Variants in KALRN observed in about 807,000 individuals in gnomAD.
KALRN encodes kalirin.
In KALRN, 70 loss-of-function variants were observed where a neutral mutation model predicts 353.7. The ratio of observed to expected loss-of-function variants is 0.20; its 90% CI spans 0.16 to 0.24. The LOEUF (loss-of-function observed/expected upper bound fraction) is 0.24. Ranked by LOEUF, KALRN falls within the 10% of genes least tolerant of loss-of-function variation. The pLI is 1.00. For synonymous variants in KALRN, 1,391 were observed against 1,434.8 expected, an observed-to-expected ratio of 0.97 and a Z score of 0.69; for missense variants, 2,791 against 3,756.7, an observed-to-expected ratio of 0.74 and a Z score of 6.72.
chr3:124,284,826 C>T (rs1055792478), intron 5 of KALRN, among the ~76,000 whole-genome samples: 1 of 152,178 alleles, frequency 6.6e-6, no homozygotes, highest in Non-Finnish European at 1.5e-5. Flanking sequence ...TTTAAGTAGT[C>T]ATTCAGAGAC....
chr3:124,458,044 G>A (rs1346532079), intron 23 of KALRN, among the ~76,000 whole-genome samples: 2 of 152,152 alleles, frequency 1.3e-5, no homozygotes, highest in East Asian at 1.9e-4. Flanking sequence ...GGGAGGCCGA[G>A]GCGGTTGGAT....
intron 1 of KALRN, among the ~76,000 whole-genome samples, chr3:124,055,659 C>CA (rs1246264825): frequency 6.6e-6 from 1 of 152,196 alleles, no homozygotes; most frequent in Non-Finnish European, 1.5e-5. Context: ...TCCTCTCTGA[C>CA]AGACTCATGC....
intron 36 of KALRN, among the ~76,000 whole-genome samples, chr3:124,634,411 G>A (rs1260418964): frequency 6.6e-6 from 1 of 152,208 alleles, no homozygotes; most frequent in Non-Finnish European, 1.5e-5. Context: ...ACGGTATGAG[G>A]AATGAAGATG....
chr3:124,332,216 C>T (rs937282035), intron 8 of KALRN, among the ~76,000 whole-genome samples: 15 of 152,048 alleles, frequency 9.9e-5, no homozygotes, highest in African/African-American at 3.6e-4. Context: ...AACCACCCTG[C>T]CCTGAAAGCA....
intron 5 of KALRN, among the ~76,000 whole-genome samples, chr3:124,281,601 C>T (rs548335953): frequency 3.9e-4 from 59 of 152,336 alleles, no homozygotes; most frequent in African/African-American, 1.4e-3. Flanking sequence ...AGCTGAAGGT[C>T]CAGCTCAGAT....
chr3:124,272,537 A>C (rs778575616), intron 5 of KALRN, among the ~76,000 whole-genome samples: 2 of 152,156 alleles, frequency 1.3e-5, no homozygotes, highest in Non-Finnish European at 2.9e-5. Flanking sequence ...ATACCTTAAA[A>C]AGGAGTGTGG....
intron 1 of KALRN, among the ~76,000 whole-genome samples, chr3:124,110,877 G>A (rs1267242233): frequency 9.9e-5 from 15 of 152,184 alleles, no homozygotes. Flanking sequence ...AGAGGCCCTG[G>A]ATGTTGCTTT....
intron 5 of KALRN, among the ~76,000 whole-genome samples, chr3:124,286,434 G>T (rs746915317): frequency 1.1e-4 from 16 of 151,970 alleles, no homozygotes; most frequent in Non-Finnish European, 1.6e-4. Flanking sequence ...TGTCTTTTTA[G>T]TAGAGACAGG....
At chr3:124,271,492 A>G (rs1438561015) in intron 5 of KALRN, among the ~76,000 whole-genome samples, 2 of 152,214 alleles carry the variant, frequency 1.3e-5, no homozygotes, top group African/African-American at 2.4e-5. Context: ...TATGCTCTCA[A>G]TCCATGTTCA....
intron 11 of KALRN, among the ~76,000 whole-genome samples, chr3:124,394,300 C>T (rs2089880104): frequency 6.6e-6 from 1 of 152,192 alleles, no homozygotes; most frequent in Non-Finnish European, 1.5e-5. Flanking sequence ...AAGCAAACAC[C>T]AGACTCATCT....
At chr3:124,612,311 C>A (rs1420087570) in intron 34 of KALRN, among the ~76,000 whole-genome samples, 2 of 152,236 alleles carry the variant, frequency 1.3e-5, no homozygotes, top group East Asian at 3.8e-4. Flanking sequence ...TCAAGCAATT[C>A]TCCTGCCTCA....
chr3:124,331,094 A>G (rs2080497987), intron 8 of KALRN, among the ~76,000 whole-genome samples: 1 of 152,176 alleles, frequency 6.6e-6, no homozygotes, highest in South Asian at 2.1e-4. Flanking sequence ...AACCACTTTG[A>G]GCCTGGTTTC....
intron 3 of KALRN, among the ~76,000 whole-genome samples, chr3:124,250,341 G>C (rs1004633494): frequency 6.6e-5 from 10 of 152,228 alleles, no homozygotes; most frequent in Admixed American, 3.3e-4. Flanking sequence ...GCAGGGAGAG[G>C]TGGGGGTGTG....
chr3:124,368,390 C>T (rs1479946092), intron 10 of KALRN, among the ~76,000 whole-genome samples: 1,777 of 141,346 alleles, frequency 0.013, 24 homozygotes, highest in African/African-American at 0.036. Flanking sequence ...GACGGGGTCG[C>T]GGCCGGGCAG....
At chr3:124,440,084 A>T (rs1015404443) in intron 18 of KALRN, among the ~76,000 whole-genome samples, 1 of 151,440 alleles carries the variant, frequency 6.6e-6, no homozygotes, top group South Asian at 2.1e-4. Flanking sequence ...CCCTCCTCCT[A>T]TCTATCTGGT....
chr3:124,052,139 G>A (rs1246485465), intron 1 of KALRN, among the ~76,000 whole-genome samples: 1 of 152,176 alleles, frequency 6.6e-6, no homozygotes, highest in Non-Finnish European at 1.5e-5. Context: ...CATCTCTACA[G>A]CTCAAGACTG....
intron 1 of KALRN, among the ~76,000 whole-genome samples, chr3:124,134,138 A>T (rs2065640732): frequency 6.6e-6 from 1 of 152,220 alleles, no homozygotes; most frequent in African/African-American, 2.4e-5. Context: ...CTATACTATA[A>T]GGCTATAGTC....
intron 1 of KALRN, among the ~76,000 whole-genome samples, chr3:124,089,412 G>A (rs760995714): frequency 3.5e-4 from 54 of 152,146 alleles, no homozygotes; most frequent in Non-Finnish European, 5.3e-4. Context: ...GGGACTGAGA[G>A]ATGTGAGGAA....
chr3:124,532,666 G>A (rs955290340), intron 33 of KALRN, among the ~76,000 whole-genome samples: 3 of 152,022 alleles, frequency 2.0e-5, no homozygotes, highest in Non-Finnish European at 4.4e-5. Flanking sequence ...AATTAGCTAG[G>A]CAGGGTCGCA....
Sources: allele counts gnomAD v4.1 joint callset (sites outside exome capture counted in the v4.1 genomes callset), GRCh38; gene constraint gnomAD v4.1.1; transcripts MANE v1.5; gene names NCBI Gene and HGNC (gene_info 2026-07-23, HGNC 2026-07-21).